Variants in NTRK3 observed in about 807,000 individuals in gnomAD.
The protein encoded by NTRK3 is NT-3 growth factor receptor.
A neutral mutation model predicts 91.7 loss-of-function variants in NTRK3; 24 were observed. The ratio of observed to expected loss-of-function variants is 0.26; its 90% CI spans 0.19 to 0.37. The LOEUF is 0.37. Ranked by LOEUF, NTRK3 falls within the 10% of genes least tolerant of loss-of-function variation. The pLI, the probability that NTRK3 is intolerant of heterozygous loss-of-function variation, is 1.00. For synonymous variants in NTRK3, 483 were observed against 404.0 expected, an observed-to-expected ratio of 1.20 and a Z score of -2.34; for missense variants, 880 against 1,068.9, an observed-to-expected ratio of 0.82 and a Z score of 2.46.
At chr15:88,016,640 A>C (rs2077250941) in intron 14 of NTRK3, among the ~76,000 whole-genome samples, 1 of 152,238 alleles carries the variant, frequency 6.6e-6, no homozygotes, top group Non-Finnish European at 1.5e-5. Flanking sequence ...CTGTAAGATG[A>C]TGGATACTTT....
intron 6 of NTRK3, 83 bp downstream of exon 6, chr15:88,147,252 G>C (rs1445649860): frequency 3.1e-6 from 4 of 1,283,688 alleles, no homozygotes; most frequent in South Asian, 2.4e-5. Flanking sequence ...TCAGCCTTCA[G>C]GTGGTTCCAC....
intron 3 of NTRK3, among the ~76,000 whole-genome samples, chr15:88,229,153 C>T (rs2050949536): frequency 6.6e-6 from 1 of 152,148 alleles, no homozygotes; most frequent in Admixed American, 6.5e-5. Context: ...AAAATAAACC[C>T]CTATATGTTT....
intron 13 of NTRK3, among the ~76,000 whole-genome samples, chr15:88,081,390 C>A (rs1870736): frequency 6.6e-6 from 1 of 151,942 alleles, no homozygotes; most frequent in Non-Finnish European, 1.5e-5. Flanking sequence ...TGCAAACTGC[C>A]GTCACATTTT....
chr15:88,095,558 A>G (rs2049499534), intron 13 of NTRK3, among the ~76,000 whole-genome samples: 1 of 152,218 alleles, frequency 6.6e-6, no homozygotes, highest in African/African-American at 2.4e-5. Flanking sequence ...GCTATCCTCC[A>G]CAATTAACTG....
chr15:87,955,526 G>A (rs2071565104), intron 14 of NTRK3, among the ~76,000 whole-genome samples: 2 of 152,240 alleles, frequency 1.3e-5, no homozygotes, highest in South Asian at 2.1e-4. Flanking sequence ...ACCTTGCTGA[G>A]TGCCGTTCAC....
intron 3 of NTRK3, among the ~76,000 whole-genome samples, chr15:88,197,094 C>CAGAAAA (rs1782353276): frequency 1.8e-5 from 1 of 56,510 alleles, no homozygotes; most frequent in Admixed American, 3.3e-4. Context: ...TTGAGCAGGA[C>CAGAAAA]AAAAAAAAAA....
At chr15:87,903,780 A>G (rs2066592007) in intron 17 of NTRK3, among the ~76,000 whole-genome samples, 1 of 152,210 alleles carries the variant, frequency 6.6e-6, no homozygotes, top group Admixed American at 6.5e-5. Context: ...CTTGGATCAC[A>G]AGACTTGGGA....
At chr15:87,960,198 C>G (rs2141191956) in intron 14 of NTRK3, among the ~76,000 whole-genome samples, 1 of 152,298 alleles carries the variant, frequency 6.6e-6, no homozygotes, top group Admixed American at 6.5e-5. Context: ...GACCAGAGCA[C>G]AAATCTCCCA....
intron 17 of NTRK3, among the ~76,000 whole-genome samples, chr15:87,905,308 A>G (rs544136189): frequency 6.6e-6 from 1 of 152,336 alleles, no homozygotes; most frequent in South Asian, 2.1e-4. Flanking sequence ...TATCACAAAA[A>G]GAAAACTGGA....
intron 3 of NTRK3, among the ~76,000 whole-genome samples, chr15:88,196,759 T>G (rs2047857411): frequency 6.6e-6 from 1 of 152,210 alleles, no homozygotes; most frequent in Non-Finnish European, 1.5e-5. Flanking sequence ...ATACTCACCC[T>G]CTGGGAAGGC....
Position 87,867,716 on chromosome 15 carries a change from T to C in NTRK3, c.*9219A>G, listed in dbSNP as rs191236796. On this transcript the variant is annotated 3_prime_UTR_variant, in exon 19 of 19. Coordinates refer to ENST00000394480, the Ensembl canonical transcript of NTRK3. ...TTCACGTTCTAATTCAATTTGAGTGTCTGAGCTTCATATCTGACTACTTGT... is the reference window on the plus strand; with the variant it reads ...TTCACGTTCTAATTCAATTTGAGTGCCTGAGCTTCATATCTGACTACTTGT... 620 of 228,966 alleles carry C rather than the reference T, an allele frequency of 2.7e-3. 3 individuals carry two copies. The highest frequency in any genetic ancestry group is 0.013 in the African/African-American group (586 of 45,258). The allele number at this position is 228,966 out of a possible 1,614,324, so 14.2% of individuals were successfully genotyped here. A position where few individuals can be genotyped will look rare whatever the true frequency, so the allele number is the denominator to read the frequency against.
chr15:88,123,087 G>C (rs2052905239), intron 13 of NTRK3, among the ~76,000 whole-genome samples: 1 of 152,086 alleles, frequency 6.6e-6, no homozygotes. Context: ...GTCTTGGATG[G>C]GCAGCCCTTT....
At chr15:88,063,008 C>G (rs558137090) in intron 13 of NTRK3, among the ~76,000 whole-genome samples, 5 of 152,374 alleles carry the variant, frequency 3.3e-5, no homozygotes, top group South Asian at 2.1e-4. Context: ...CCCACACACA[C>G]ACTTTCAGTG....
chr15:88,135,509 G>T (rs2041788748), intron 9 of NTRK3, 112 bp from the exon 10 acceptor site: 1 of 1,246,572 alleles, frequency 8.0e-7, no homozygotes, highest in Non-Finnish European at 1.1e-6. Flanking sequence ...ACTCTGAAAA[G>T]GCTGAGGGAA....
At chr15:87,905,694 G>A (rs537447425) in intron 17 of NTRK3, among the ~76,000 whole-genome samples, 1 of 152,164 alleles carries the variant, frequency 6.6e-6, no homozygotes, top group East Asian at 1.9e-4. Context: ...AAAAACCTTT[G>A]TTCAGTCTCA....
intron 3 of NTRK3, among the ~76,000 whole-genome samples, chr15:88,219,507 A>C (rs2141553197): frequency 6.6e-6 from 1 of 152,302 alleles, no homozygotes; most frequent in East Asian, 1.9e-4. Context: ...ACCAAGCAAA[A>C]CCTTAGGAGA....
chr15:88,120,954 G>A (rs2052637682), intron 13 of NTRK3, among the ~76,000 whole-genome samples: 1 of 152,194 alleles, frequency 6.6e-6, no homozygotes, highest in Non-Finnish European at 1.5e-5. Flanking sequence ...TTTCAGCTCT[G>A]ATAAACTATT....
intron 7 of NTRK3, 77 bp downstream of exon 7, chr15:88,137,327 G>A: frequency 6.4e-7 from 1 of 1,560,490 alleles, no homozygotes; most frequent in South Asian, 1.1e-5. Context: ...GGCATCCCAA[G>A]GTAACGTCCA....
intron 14 of NTRK3, chr15:87,981,265 C>G (rs2074242823): frequency 1.3e-6 from 2 of 1,594,064 alleles, no homozygotes; most frequent in South Asian, 1.1e-5. Flanking sequence ...CTCTGGACCT[C>G]AGGTTCCTCA....
Sources: gnomAD v4.1 joint callset for allele counts (sites outside exome capture counted in the v4.1 genomes callset) on GRCh38, gnomAD v4.1.1 for gene constraint, MANE v1.5 for transcripts, NCBI Gene and HGNC (gene_info 2026-07-23, HGNC 2026-07-21) for gene names.